The following TMEM270 variants were observed in gnomAD, a reference collection of about 807,000 sequenced individuals.
TMEM270 encodes the protein Williams-Beuren syndrome chromosome region 28.
TMEM270 carries 30 observed loss-of-function variants against 29.9 expected under a neutral mutation model. The ratio of observed to expected loss-of-function variants is 1.00; its 90% CI spans 0.75 to 1.36. The LOEUF (loss-of-function observed/expected upper bound fraction) is 1.36, where lower values mean the gene tolerates loss of function less well. Ranked by LOEUF, TMEM270 falls within the 40% of genes most tolerant of loss-of-function variation. The pLI is 0.00. For missense variants in TMEM270, 313 were observed against 307.1 expected (o/e 1.02, Z -0.14); for synonymous variants, 135 against 139.8 (o/e 0.97, Z 0.24).
At position 73,865,243 on chromosome 7, in the gene TMEM270, G is replaced by A; in HGVS notation, c.323G>A (p.Gly108Asp). 1 of 1,613,600 alleles carries A rather than the reference G, an allele frequency of 6.2e-7. No individual in the cohort carries two copies. Among genetic ancestry groups the A allele is most frequent in the Non-Finnish European group, 8.5e-7 (1 of 1,180,022 alleles). Reference sequence around the variant, plus strand: ...GCTGGCATGTGGGGCAGCACCAAGGGCCTGGGCCTGGCCTTGCTCAGTGCC... The same window carrying A: ...GCTGGCATGTGGGGCAGCACCAAGGACCTGGGCCTGGCCTTGCTCAGTGCC... ...MWAGMWGSTK[G>D]LGLALLSAWE... The change falls in exon 2 of 3, where the codon GGC becomes GAC. Residue 108 changes from glycine (G) to aspartate (D), a missense_variant. Physicochemically the swap from Gly to Asp is moderately conservative, Grantham distance 94. Transcript: ENST00000320531.
chr7:73,864,614 G>T (rs1766955464), intron 1 of TMEM270, among the ~76,000 whole-genome samples: 1 of 151,798 alleles, frequency 6.6e-6, no homozygotes, highest in Admixed American at 6.6e-5. Context: ...GTAAAAGTGG[G>T]GTTCCTGGCC....
At chr7:73,861,113 C>T, upstream of TMEM270, 2 of 1,427,594 alleles carry the variant, frequency 1.4e-6, no homozygotes, top group South Asian at 2.3e-5. Context: ...AACCGGGTCC[C>T]CATGGTAACT....
At position 73,865,141 on chromosome 7, in the gene TMEM270, G is replaced by A. The variant is rs782637234; in HGVS notation, c.221G>A (p.Gly74Asp). 3.7e-6 allele frequency: 6 copies of A among 1,608,788 alleles called. No homozygotes were observed. The highest frequency in any genetic ancestry group is 1.7e-4 in the Middle Eastern group (1 of 6,056). ...CTGGGAGCTGCAGCCTGCCCCCTGGGCCAGGCTCTCTGGGCTGGGCTGGCT... is the reference window on the plus strand; with the variant it reads ...CTGGGAGCTGCAGCCTGCCCCCTGGACCAGGCTCTCTGGGCTGGGCTGGCT... ...LPLGAAACPL[G>D]QALWAGLALI... The change falls in exon 2 of 3, where the codon GGC (glycine) becomes GAC (aspartate). Residue 74 changes from glycine to aspartate, a missense_variant. Gly to Asp is a moderately conservative substitution (Grantham distance 94, BLOSUM62 -1). Coordinates refer to ENST00000320531, the MANE Select transcript of TMEM270 (RefSeq NM_182504.4).
rs1554639718 is a variant in TMEM270, at chr7:73,864,997, T to C, written c.77T>C (p.Val26Ala). The C allele has an allele frequency of 6.7e-7, 1 of 1,498,026 alleles. No individual in the cohort carries two copies. The highest frequency in any genetic ancestry group is 2.3e-5 in the East Asian group (1 of 43,070). The allele number at this position is 1,498,026 out of a possible 1,614,324, so 92.8% of individuals were successfully genotyped here. The part of the protein sequence containing the change: ...LQVTRLSVLL[V>A]QNRDHLYNFL... ...TCTCTCTCTCTTCTTCTGCAGTTGG[T>C]TCAGAACCGAGATCACCTCTATAAT... The change falls in exon 2 of 3, where the codon GTT (valine) becomes GCT (alanine). Residue 26 changes from valine to alanine, a missense_variant. Transcript: ENST00000320531.
chr7:73,861,830 G>A (rs369082660), intron 1 of TMEM270, among the ~76,000 whole-genome samples: 3 of 151,894 alleles, frequency 2.0e-5, no homozygotes, highest in Non-Finnish European at 4.4e-5. Context: ...ACAGAGTCTC[G>A]CTCTGTTGCC....
At chr7:73,861,140 G>C, upstream of TMEM270, 1 of 1,580,512 alleles carries the variant, frequency 6.3e-7, no homozygotes, top group Non-Finnish European at 8.7e-7. Flanking sequence ...CCACCCTGTG[G>C]CATCTGTGAG....
At chr7:73,861,041 G>A, upstream of TMEM270, 1 of 721,154 alleles carries the variant, frequency 1.4e-6, no homozygotes, top group Non-Finnish European at 2.5e-6. Flanking sequence ...GACGTGGACT[G>A]AGGTTTCAGA....
At position 73,865,872 on chromosome 7, in the gene TMEM270, A is replaced by G. The variant is rs116364220; in HGVS notation, c.797A>G (p.Ter266=). Reference sequence around the variant, plus strand: ...CCAGAGCAAGAAACTCCCAGAGAATAAATGTATCCCCATCTGCCTCTCCTG... The same window carrying G: ...CCAGAGCAAGAAACTCCCAGAGAATGAATGTATCCCCATCTGCCTCTCCTG... ...VLPEQETPRE[*] The change falls in exon 3 of 3, where the codon TAA becomes TGA. Residue 266 remains the stop codon, a stop_retained_variant. Coordinates refer to ENST00000320531, the MANE Select transcript of TMEM270 (RefSeq NM_182504.4). The G allele has an allele frequency of 1.9e-3, 3,120 of 1,609,286 alleles. 51 individuals are homozygous for G. In the African/African-American group the frequency reaches 0.035, roughly 18 times the overall value.
Position 73,865,866 on chromosome 7 carries a change from G to C in TMEM270, c.791G>C (p.Arg264Thr). 6.2e-7 allele frequency: 1 copy of C among 1,610,126 alleles called. No homozygotes were observed. Residue 264 changes from arginine to threonine, a missense_variant, in exon 3 of 3, where the codon AGA (arginine) becomes ACA (threonine). Physicochemically the swap from Arg to Thr is moderately conservative, Grantham distance 71. Coordinates refer to ENST00000320531, the MANE Select transcript of TMEM270 (RefSeq NM_182504.4). The part of the protein sequence containing the change: ...GTVLPEQETP[R>T]E Reference sequence around the variant, plus strand: ...GTTTTGCCAGAGCAAGAAACTCCCAGAGAATAAATGTATCCCCATCTGCCT... The same window carrying C: ...GTTTTGCCAGAGCAAGAAACTCCCACAGAATAAATGTATCCCCATCTGCCT...
chr7:73,864,595 A>C (rs1177863865), intron 1 of TMEM270, among the ~76,000 whole-genome samples: 1 of 151,890 alleles, frequency 6.6e-6, no homozygotes, highest in East Asian at 1.9e-4. Context: ...CAGCAGCTTC[A>C]CCTCTACAGT....
intron 1 of TMEM270, among the ~76,000 whole-genome samples, chr7:73,864,501 G>T (rs561298845): frequency 1.3e-5 from 2 of 152,214 alleles, no homozygotes; most frequent in African/African-American, 4.8e-5. Flanking sequence ...CTTCTCAGAA[G>T]GGAGTCCTTC....
intron 1 of TMEM270, chr7:73,861,562 C>A (rs1478737881): frequency 3.7e-6 from 2 of 547,488 alleles, no homozygotes; most frequent in Admixed American, 2.3e-5. Context: ...CAATCCTCCC[C>A]CCTCAGCCTC....
At chr7:73,861,961 G>T (rs112576869) in intron 1 of TMEM270, among the ~76,000 whole-genome samples, 4,671 of 151,128 alleles carry the variant, frequency 0.031, 215 homozygotes, top group African/African-American at 0.11. Context: ...ATCATCCCTG[G>T]CTAATTTTTT....
upstream of TMEM270, among the ~76,000 whole-genome samples, chr7:73,860,945 C>T (rs1315402373): frequency 7.2e-5 from 11 of 152,174 alleles, no homozygotes; most frequent in African/African-American, 1.4e-4. Context: ...CGTTCCTAGG[C>T]GGCACTTGAT....
Position 73,865,579 on chromosome 7 carries a change from C to G in TMEM270, c.504C>G (p.Ala168=). The change falls in exon 3 of 3, where the codon GCC becomes GCG. Residue 168 remains alanine (A), a splice_region_variant and synonymous_variant. Transcript: ENST00000320531. ...CFRLGRQLSK[A]LQVNCVVRKL... Reference sequence around the variant, plus strand: ...GCCCATCTGTCTCCCTGTTCCAGGCCTTGCAAGTGAACTGCGTGGTAAGGA... The same window carrying G: ...GCCCATCTGTCTCCCTGTTCCAGGCGTTGCAAGTGAACTGCGTGGTAAGGA... 3 of 1,613,270 alleles carry G rather than the reference C, an allele frequency of 1.9e-6. 1 individual carries two copies. The South Asian group carries it at 3.3e-5, about 18-fold the overall frequency.
At position 73,861,344 on chromosome 7, in the gene TMEM270, C is replaced by T; in HGVS notation, c.72+78C>T. On this transcript the variant is annotated intron_variant, in intron 1 of 2. Transcript: ENST00000320531. ...CAGAGCCACCTCAGAGCTGCCGGGC[C>T]CAAGCCCTGCCTGTCCCATCCAGTG... The T allele has an allele frequency of 6.5e-6, 9 of 1,376,748 alleles. No homozygotes were observed. In the South Asian group the frequency reaches 1.0e-4, roughly 16 times the overall value. 85.3% of individuals were successfully genotyped at this position (1,376,748 alleles called of 1,614,324 possible).
chr7:73,864,258 TAA>T (rs71519311), intron 1 of TMEM270, among the ~76,000 whole-genome samples: 64 of 131,320 alleles, frequency 4.9e-4, no homozygotes, highest in African/African-American at 7.0e-4. Context: ...CTCCATTTCT[TAA>T]AAAAAAAAAA....
In TMEM270 at chr7:73,865,174, A is replaced by G; in HGVS notation, c.254A>G (p.Gln85Arg). Residue 85 changes from glutamine (Q) to arginine (R), a missense_variant, in exon 2 of 3, where the codon CAG becomes CGG. Coordinates refer to ENST00000320531, the MANE Select transcript of TMEM270 (RefSeq NM_182504.4). ...CTCTGGGCTGGGCTGGCTCTGATAC[A>G]GGTCCCCGTATGGCTGGTGCTACAG... is the stretch of plus-strand genomic sequence containing the variant. ...QALWAGLALI[Q>R]VPVWLVLQGP... is the part of the protein sequence containing the mutation. 1.9e-6 allele frequency: 3 copies of G among 1,612,770 alleles called. No individual in the cohort carries two copies. Among genetic ancestry groups the G allele is most frequent in the Non-Finnish European group, 2.5e-6 (3 of 1,179,038 alleles).
chr7:73,865,097 C>A lies in TMEM270; in HGVS notation c.177C>A (p.Asn59Lys), dbSNP rs782171963. The A allele has an allele frequency of 1.9e-6, 3 of 1,570,786 alleles. No individual in the cohort carries two copies. Among genetic ancestry groups the A allele is most frequent in the Non-Finnish European group, 8.6e-7 (1 of 1,157,746 alleles). ...GLAQEARGSCNWQAHLPLGAA... is the reference protein window; with the variant it reads ...GLAQEARGSCKWQAHLPLGAA... Reference sequence around the variant, plus strand: ...CCCAGGAGGCCCGGGGGTCCTGTAACTGGCAGGCCCACCTACCCCTGGGAG... The same window carrying A: ...CCCAGGAGGCCCGGGGGTCCTGTAAATGGCAGGCCCACCTACCCCTGGGAG... The change falls in exon 2 of 3, where the codon AAC (asparagine) becomes AAA (lysine). Residue 59 changes from asparagine (N) to lysine (K), a missense_variant. Physicochemically the swap from Asn to Lys is moderately conservative, Grantham distance 94. Transcript: ENST00000320531.
Sources: gnomAD v4.1 joint callset for allele counts (sites outside exome capture counted in the v4.1 genomes callset) on GRCh38, gnomAD v4.1.1 for gene constraint, MANE v1.5 for transcripts, NCBI Gene and HGNC (gene_info 2026-07-23, HGNC 2026-07-21) for gene names.